TENM1: variants seen among roughly 807,000 people sequenced by gnomAD.
The protein encoded by TENM1 is teneurin transmembrane protein 1, also known as teneurin-1.
Under a neutral mutation model 174.8 loss-of-function variants are expected in TENM1, and 35 were observed. The observed-to-expected ratio is 0.20, with a 90% CI of 0.15 to 0.27. The LOEUF is 0.27. Ranked by LOEUF, TENM1 falls within the 10% of genes least tolerant of loss-of-function variation. The probability of loss-of-function intolerance (pLI) is 1.00; values close to 1 mark genes in which losing one functional copy is unlikely to be tolerated. For synonymous variants in TENM1, 781 were observed against 798.7 expected, an observed-to-expected ratio of 0.98 and a Z score of 0.37; for missense variants, 1,633 against 2,130.1, an observed-to-expected ratio of 0.77 and a Z score of 4.59.
At chrX:125,117,431 C>T in the TENM1 span, among the ~76,000 whole-genome samples, 1 of 111,528 alleles carries the variant, frequency 9.0e-6, no homozygotes, top group Non-Finnish European at 1.9e-5. Context: ...CACCATCATT[C>T]TCAGCAAACT....
At chrX:124,476,906 C>T (rs865811032) in intron 22 of TENM1, among the ~76,000 whole-genome samples, 2 of 112,539 alleles carry the variant, frequency 1.8e-5, no homozygotes, top group Non-Finnish European at 1.9e-5. Context: ...GGGATTAGTA[C>T]TCCATCAACC....
chrX:124,988,850 C>T, the TENM1 span, among the ~76,000 whole-genome samples: 3 of 111,418 alleles, frequency 2.7e-5, no homozygotes, highest in Admixed American at 9.6e-5. Context: ...ATTTAACACC[C>T]ATTTATGAAT....
Position 124,611,127 on chromosome X carries a change from T to C in TENM1, c.2077+30664A>G, listed in dbSNP as rs889259458. On this transcript the variant is annotated intron_variant, in intron 11 of 31. Transcript: ENST00000422452. ...ACAGATGCTTATTTTTCATTCATGC[T>C]ACATGTGCAATGCAGTTCAGAAGGT... 2.7e-5 allele frequency among the ~76,000 whole-genome samples: 3 copies of C among 112,042 alleles called. No individual in the cohort carries two copies. In the Admixed American group the frequency reaches 2.8e-4, roughly 11 times the overall value.
intron 3 of TENM1, among the ~76,000 whole-genome samples, chrX:124,785,077 A>C (rs2055004139): frequency 8.9e-6 from 1 of 111,940 alleles, no homozygotes; most frequent in African/African-American, 3.2e-5. Flanking sequence ...TATTGTAGGC[A>C]ATATGGACAT....
At chrX:125,109,621 G>T in the TENM1 span, among the ~76,000 whole-genome samples, 1 of 111,166 alleles carries the variant, frequency 9.0e-6, no homozygotes, top group African/African-American at 3.3e-5. Context: ...TACTTCATGG[G>T]ACAGAGGGAG....
At chrX:124,582,661 T>C (rs1318010594) in intron 11 of TENM1, among the ~76,000 whole-genome samples, 1 of 111,850 alleles carries the variant, frequency 8.9e-6, no homozygotes, top group Non-Finnish European at 1.9e-5. Flanking sequence ...TTCATCTCAC[T>C]AGGGAGTGCC....
chrX:124,764,478 T>C (rs905291201), intron 3 of TENM1, among the ~76,000 whole-genome samples: 1 of 110,950 alleles, frequency 9.0e-6, no homozygotes, highest in Non-Finnish European at 1.9e-5. Flanking sequence ...ATGTTTGTGT[T>C]TGGGCTTGTC....
chrX:125,172,610 G>A, the TENM1 span, among the ~76,000 whole-genome samples: 1 of 111,457 alleles, frequency 9.0e-6, no homozygotes, highest in Non-Finnish European at 1.9e-5. Context: ...AAAAACTTGA[G>A]TAAATCTACT....
chrX:124,787,805 G>A (rs978308526), intron 3 of TENM1, among the ~76,000 whole-genome samples: 1 of 112,451 alleles, frequency 8.9e-6, no homozygotes, highest in African/African-American at 3.2e-5. Flanking sequence ...ACAATGAAAT[G>A]AGATAGATTC....
At chrX:125,027,645 C>T in the TENM1 span, among the ~76,000 whole-genome samples, 51 of 92,602 alleles carry the variant, frequency 5.5e-4, no homozygotes, top group Non-Finnish European at 8.1e-4. Context: ...GACGGAGTCT[C>T]GCTCTGGCGC....
At chrX:124,501,222 C>T (rs1275223048) in intron 19 of TENM1, among the ~76,000 whole-genome samples, 1 of 111,584 alleles carries the variant, frequency 9.0e-6, no homozygotes, top group Non-Finnish European at 1.9e-5. Context: ...AATGAATATA[C>T]CCTCTTTATA....
At chrX:124,778,469 A>G (rs2054834189) in intron 3 of TENM1, among the ~76,000 whole-genome samples, 1 of 112,573 alleles carries the variant, frequency 8.9e-6, no homozygotes, top group African/African-American at 3.2e-5. Context: ...TTTTAGCTGA[A>G]CTAAGGAGCA....
At chrX:125,156,174 A>C in the TENM1 span, among the ~76,000 whole-genome samples, 1 of 112,531 alleles carries the variant, frequency 8.9e-6, no homozygotes, top group Admixed American at 9.4e-5. Flanking sequence ...CTAGTTGAGA[A>C]GACCTCCTGG....
chrX:124,745,345 T>C (rs933518895), intron 3 of TENM1, among the ~76,000 whole-genome samples: 1 of 111,418 alleles, frequency 9.0e-6, no homozygotes, highest in African/African-American at 3.3e-5. Flanking sequence ...ATGTCACTAT[T>C]ATAGCAGTAT....
At position 124,956,129 on chromosome X, in the gene TENM1, T is replaced by C. The variant is rs142303912; in HGVS notation, c.217+7408A>G. 2.1e-3 allele frequency among the ~76,000 whole-genome samples: 231 copies of C among 112,018 alleles called. 7 individuals are homozygous for C. The East Asian group carries it at 0.053, about 26-fold the overall frequency. The stretch of plus-strand genomic sequence containing the variant: ...CTAGATATTTCTCTCATAATCAATG[T>C]CACCATGCCCTAGGCAGAATACACG... On this transcript the variant is annotated intron_variant, in intron 1 of 31. Transcript: ENST00000422452.
At chrX:125,095,702 T>C in the TENM1 span, among the ~76,000 whole-genome samples, 1 of 111,720 alleles carries the variant, frequency 9.0e-6, no homozygotes, top group South Asian at 3.7e-4. Flanking sequence ...AAATTATCTA[T>C]GCACAGAAAG....
intron 3 of TENM1, among the ~76,000 whole-genome samples, chrX:124,823,242 C>T (rs141376126): frequency 2.6e-3 from 287 of 111,832 alleles, no homozygotes; most frequent in Non-Finnish European, 4.4e-3. Flanking sequence ...TTGGTAAAAA[C>T]GGAAATTCAA....
chrX:125,140,244 T>C, the TENM1 span, among the ~76,000 whole-genome samples: 3 of 111,987 alleles, frequency 2.7e-5, no homozygotes, highest in African/African-American at 9.7e-5. Flanking sequence ...TTTAATGAAA[T>C]ACTATTCAGC....
At chrX:124,497,286 A>G in intron 19 of TENM1, 21 bp from the exon 23 acceptor site, 1 of 1,176,661 alleles carries the variant, frequency 8.5e-7, no homozygotes, top group Non-Finnish European at 1.1e-6. Context: ...GGAAAACAAA[A>G]AGAGAATTTA....
Sources: gnomAD v4.1 joint callset for allele counts (sites outside exome capture counted in the v4.1 genomes callset) on GRCh38, gnomAD v4.1.1 for gene constraint, MANE v1.5 for transcripts, NCBI Gene and HGNC (gene_info 2026-07-23, HGNC 2026-07-21) for gene names.